LRMDA: variants seen among roughly 807,000 people sequenced by gnomAD.
The protein encoded by LRMDA is leucine-rich melanocyte differentiation-associated protein.
Under a neutral mutation model 29.8 loss-of-function variants are expected in LRMDA, and 18 were observed. That is an observed-to-expected ratio of 0.60 (90% CI 0.42 to 0.90). The LOEUF is 0.90. Ranked by LOEUF, LRMDA falls within the 40% of genes least tolerant of loss-of-function variation. The probability of loss-of-function intolerance (pLI) is 0.00; values close to 1 mark genes in which losing one functional copy is unlikely to be tolerated. For missense variants in LRMDA, 273 were observed against 273.9 expected (o/e 1.00, Z 0.02); for synonymous variants, 125 against 109.4 (o/e 1.14, Z -0.89).
chr10:75,725,701 A>T (rs910821715), intron 2 of LRMDA, among the ~76,000 whole-genome samples: 3 of 152,176 alleles, frequency 2.0e-5, no homozygotes, highest in Admixed American at 6.5e-5. Context: ...GAGATGCAAT[A>T]TTGTTTTGGC....
chr10:76,090,536 C>T (rs1849214495), intron 5 of LRMDA, among the ~76,000 whole-genome samples: 3 of 152,022 alleles, frequency 2.0e-5, no homozygotes, highest in African/African-American at 7.3e-5. Flanking sequence ...GAGTGTATAC[C>T]CCAAAGAGTT....
At chr10:76,536,316 CAGTATTTAATCAA>C (rs1843290844) in intron 6 of LRMDA, among the ~76,000 whole-genome samples, 1 of 152,010 alleles carries the variant, frequency 6.6e-6, no homozygotes, top group African/African-American at 2.4e-5. Context: ...TGTTTTAATC[CAGTATTTAATCAA>C]AGTTTATACT....
intron 6 of LRMDA, among the ~76,000 whole-genome samples, chr10:76,547,169 T>G (rs1247932444): frequency 1.3e-5 from 2 of 152,214 alleles, no homozygotes; most frequent in East Asian, 3.8e-4. Context: ...TGAACTTTCA[T>G]GGTAAAAATG....
intron 2 of LRMDA, among the ~76,000 whole-genome samples, chr10:75,536,742 A>G (rs1163239743): frequency 6.6e-6 from 1 of 152,030 alleles, no homozygotes; most frequent in Non-Finnish European, 1.5e-5. Context: ...TTTTTTTTGT[A>G]GAGATGGGGG....
intron 5 of LRMDA, among the ~76,000 whole-genome samples, chr10:76,095,993 G>A (rs2132096499): frequency 6.6e-6 from 1 of 150,822 alleles, no homozygotes; most frequent in Non-Finnish European, 1.5e-5. Context: ...TGAGTTTTGA[G>A]ATTTCTTTAT....
chr10:76,113,722 C>T (rs948305214), intron 5 of LRMDA, among the ~76,000 whole-genome samples: 13 of 152,082 alleles, frequency 8.5e-5, no homozygotes, highest in African/African-American at 1.2e-4. Flanking sequence ...CATTTGATGC[C>T]GCGTTTCTCT....
intron 2 of LRMDA, among the ~76,000 whole-genome samples, chr10:75,972,475 G>A (rs1165651990): frequency 6.6e-6 from 1 of 151,974 alleles, no homozygotes; most frequent in Non-Finnish European, 1.5e-5. Context: ...CATCTGAAGC[G>A]TTTTTGAAAA....
intron 6 of LRMDA, among the ~76,000 whole-genome samples, chr10:76,548,341 A>G (rs529086753): frequency 6.6e-6 from 1 of 152,254 alleles, no homozygotes; most frequent in East Asian, 1.9e-4. Flanking sequence ...ATTGAAGCAT[A>G]CTAGGCAGTA....
intron 2 of LRMDA, among the ~76,000 whole-genome samples, chr10:75,896,938 T>C (rs1481764341): frequency 6.6e-6 from 1 of 152,074 alleles, no homozygotes; most frequent in Non-Finnish European, 1.5e-5. Flanking sequence ...TTTTTGGTTG[T>C]AAAGTTGAAT....
At chr10:76,536,388 G>T (rs937977765) in intron 6 of LRMDA, among the ~76,000 whole-genome samples, 1 of 151,850 alleles carries the variant, frequency 6.6e-6, no homozygotes, top group Non-Finnish European at 1.5e-5. Flanking sequence ...CTAGGGTGAT[G>T]GTTCTCAAGG....
chr10:75,830,200 A>G (rs1370188498), intron 2 of LRMDA, among the ~76,000 whole-genome samples: 3 of 152,150 alleles, frequency 2.0e-5, no homozygotes, highest in Admixed American at 2.0e-4. Context: ...GCCTGTGTGA[A>G]GCTCTAGTAA....
intron 2 of LRMDA, among the ~76,000 whole-genome samples, chr10:75,746,826 T>C: frequency 6.6e-6 from 1 of 152,084 alleles, no homozygotes; most frequent in Non-Finnish European, 1.5e-5. Flanking sequence ...ATTTTTATTA[T>C]ATTAGAGTTG....
intron 6 of LRMDA, among the ~76,000 whole-genome samples, chr10:76,439,476 C>T (rs1304445175): frequency 6.6e-6 from 1 of 152,196 alleles, no homozygotes; most frequent in African/African-American, 2.4e-5. Context: ...TCTCCTTGCA[C>T]TGCTTGATCC....
At chr10:76,248,934 A>G (rs1291088062) in intron 5 of LRMDA, among the ~76,000 whole-genome samples, 2 of 152,206 alleles carry the variant, frequency 1.3e-5, no homozygotes, top group Non-Finnish European at 1.5e-5. Context: ...TCAACACTTG[A>G]TGGGAAAATG....
At chr10:76,171,152 G>T (rs1850828680) in intron 5 of LRMDA, among the ~76,000 whole-genome samples, 1 of 152,182 alleles carries the variant, frequency 6.6e-6, no homozygotes, top group Admixed American at 6.5e-5. Context: ...GTTTGTAGTG[G>T]AATGGGATAA....
intron 2 of LRMDA, among the ~76,000 whole-genome samples, chr10:75,982,828 A>C (rs1218104083): frequency 6.6e-6 from 1 of 152,194 alleles, no homozygotes; most frequent in Non-Finnish European, 1.5e-5. Flanking sequence ...TAATTCTAGC[A>C]GCTTCTATTG....
At position 75,693,031 on chromosome 10, in the gene LRMDA, T is replaced by G. The variant is rs181017701; in HGVS notation, c.131+254537T>G. ...TGTTCAGGAGCATAGAGCTACATCCTCCTCTGAAATGCCGCGAACAGCCAT... is the reference window on the plus strand; with the variant it reads ...TGTTCAGGAGCATAGAGCTACATCCGCCTCTGAAATGCCGCGAACAGCCAT... On this transcript the variant is annotated intron_variant, in intron 2 of 6. Transcript: ENST00000611255. Among the ~76,000 whole-genome samples the G allele has an allele frequency of 2.1e-3, 318 of 152,268 alleles. 5 individuals carry two copies. Among genetic ancestry groups the G allele is most frequent in the East Asian group, 6.8e-3 (35 of 5,180 alleles).
intron 2 of LRMDA, among the ~76,000 whole-genome samples, chr10:75,800,059 T>A (rs1843721550): frequency 6.6e-6 from 1 of 152,174 alleles, no homozygotes; most frequent in South Asian, 2.1e-4. Context: ...TCAAGTTGAG[T>A]GGTCCTTTTT....
Position 75,793,185 on chromosome 10 carries a change from C to CAG in LRMDA, c.132-242812_132-242811dup, listed in dbSNP as rs533442024. On this transcript the variant is annotated intron_variant, in intron 2 of 6. Transcript: ENST00000611255. ...GAGCCTGACACAATTGAGCTGGTGG[C>CAG]AGAGAGAGAGAGGAGGCTGCAGTAG... Among the ~76,000 whole-genome samples the CAG allele has an allele frequency of 4.6e-5, 7 of 151,768 alleles. No individual in the cohort carries two copies. The East Asian group carries it at 1.2e-3, about 25-fold the overall frequency.
Sources: allele counts gnomAD v4.1 joint callset (sites outside exome capture counted in the v4.1 genomes callset), GRCh38; gene constraint gnomAD v4.1.1; transcripts MANE v1.5; gene names NCBI Gene and HGNC (gene_info 2026-07-23, HGNC 2026-07-21).